The following TET3 variants were observed in gnomAD, a reference collection of about 807,000 sequenced individuals.
TET3 encodes the protein tet methylcytosine dioxygenase 3, also known as methylcytosine dioxygenase TET3.
In TET3, 19 loss-of-function variants were observed where a neutral mutation model predicts 141.4. That is an observed-to-expected ratio of 0.13 (90% CI 0.09 to 0.20). The LOEUF (loss-of-function observed/expected upper bound fraction) is 0.20. TET3 is among the 10% of genes least tolerant of loss of function. The pLI is 1.00. For synonymous variants in TET3, 1,043 were observed against 980.9 expected, an observed-to-expected ratio of 1.06 and a Z score of -1.18; for missense variants, 1,874 against 2,356.9, an observed-to-expected ratio of 0.80 and a Z score of 4.24.
At chr2:74,084,756 T>TG (rs993360610) in intron 6 of TET3, among the ~76,000 whole-genome samples, 1 of 152,068 alleles carries the variant, frequency 6.6e-6, no homozygotes, top group African/African-American at 2.4e-5. Context: ...CCCAGCCCAG[T>TG]GAGACCCCGT....
At chr2:74,062,838 C>G (rs1422000599) in intron 4 of TET3, among the ~76,000 whole-genome samples, 1 of 150,750 alleles carries the variant, frequency 6.6e-6, no homozygotes. Flanking sequence ...AAAAGAGAAC[C>G]GTATGCTGAA....
intron 2 of TET3, chr2:74,002,875 A>G: frequency 1.8e-6 from 1 of 543,330 alleles, no homozygotes; most frequent in Non-Finnish European, 3.3e-6. Flanking sequence ...TCTCGGGGGG[A>G]TTCTCAGAGG....
At position 73,986,171 on chromosome 2, in the gene TET3, C is replaced by T; in HGVS notation, c.-233C>T. 2.7e-6 allele frequency: 1 copy of T among 372,794 alleles called. No homozygotes were observed. The allele number at this position is 372,794 out of a possible 1,614,324, so 23.1% of individuals were successfully genotyped here. A position where few individuals can be genotyped will look rare whatever the true frequency, so the allele number is the denominator to read the frequency against. ...TGCTGCTGGTGTCCTCCCCCAGATC[C>T]TGGGCCCCAGCAGGTGGGAGAGTGG... On this transcript the variant is annotated 5_prime_UTR_variant, in exon 2 of 12. Coordinates refer to ENST00000409262, the MANE Select transcript of TET3 (RefSeq NM_001287491.2).
At chr2:74,064,544 C>T (rs879069771) in intron 4 of TET3, among the ~76,000 whole-genome samples, 3 of 152,094 alleles carry the variant, frequency 2.0e-5, no homozygotes, top group African/African-American at 4.8e-5. Flanking sequence ...GGACTACAGG[C>T]GTGCGTGCCA....
chr2:74,112,917 C>A (rs1296339633), downstream of TET3, among the ~76,000 whole-genome samples: 3 of 137,584 alleles, frequency 2.2e-5, no homozygotes, highest in African/African-American at 8.1e-5. Flanking sequence ...AGGAGAACTG[C>A]TTGATATGGG....
chr2:74,125,667 T>A, the TET3 span, among the ~76,000 whole-genome samples: 1 of 151,964 alleles, frequency 6.6e-6, no homozygotes, highest in African/African-American at 2.4e-5. Flanking sequence ...TCATATATAG[T>A]ACCTGCCATA....
intron 4 of TET3, among the ~76,000 whole-genome samples, chr2:74,061,284 G>T (rs1382116516): frequency 1.4e-5 from 2 of 145,024 alleles, no homozygotes; most frequent in African/African-American, 5.1e-5. Context: ...GGCTGGCCAG[G>T]CAGAGGGGCT....
intron 1 of TET3, 81 bp downstream of exon 1, chr2:73,985,238 G>A (rs1444162973): frequency 2.7e-5 from 4 of 145,544 alleles, no homozygotes; most frequent in African/African-American, 9.9e-5. Context: ...CGGGGGAGGG[G>A]GAGGGGACGG....
In TET3 at chr2:74,080,549, G is replaced by A. The variant is rs780437854; in HGVS notation, c.2637G>A (p.Gly879=). 4 of 1,613,658 alleles carry A rather than the reference G, an allele frequency of 2.5e-6. No homozygotes were observed. The Admixed American group carries it at 6.7e-5, about 27-fold the overall frequency. Residue 879 remains glycine (G), a synonymous_variant, in exon 6 of 12, where the codon GGG becomes GGA. Transcript: ENST00000409262. ...AIRIEKVIYT[G]KEGKSSRGCP... is the part of the protein sequence containing the mutation. ...GGATCGAGAAGGTCATCTACACGGGGAAGGAGGGAAAGAGCTCCCGCGGTT... is the reference window on the plus strand; with the variant it reads ...GGATCGAGAAGGTCATCTACACGGGAAAGGAGGGAAAGAGCTCCCGCGGTT...
At chr2:74,008,957 C>T (rs563170532) in intron 3 of TET3, among the ~76,000 whole-genome samples, 1 of 152,350 alleles carries the variant, frequency 6.6e-6, no homozygotes, top group South Asian at 2.1e-4. Context: ...ATCCTAACCT[C>T]ATGGGCTTTG....
chr2:74,022,094 C>CCTTTTTTTTTTTTTTTTTTTTTTTTTTTT (rs57671706), intron 3 of TET3, among the ~76,000 whole-genome samples: 3 of 82,766 alleles, frequency 3.6e-5, no homozygotes, highest in Non-Finnish European at 4.5e-5. Flanking sequence ...TTCTAGGACA[C>CCTTTTTTTTTTTTTTTTTTTTTTTTTTTT]TTTTTTTTTT....
chr2:74,122,253 G>A, the TET3 span: 5 of 151,920 alleles, frequency 3.3e-5, no homozygotes, highest in African/African-American at 9.7e-5. Flanking sequence ...GAAATTTGAA[G>A]TCTAGCTGCC....
chr2:74,108,089 A>T lies in TET3; in HGVS notation c.*5913A>T, dbSNP rs1452040038. On this transcript the variant is annotated 3_prime_UTR_variant, in exon 12 of 12. Transcript: ENST00000409262. Reference sequence around the variant, plus strand: ...GTATTTTATTATAATTTACACAAACAACTGGGTTTGTGAACTGTATTACTC... The same window carrying T: ...GTATTTTATTATAATTTACACAAACTACTGGGTTTGTGAACTGTATTACTC... 6.5e-6 allele frequency: 1 copy of T among 153,812 alleles called. No homozygotes were observed. Among genetic ancestry groups the T allele is most frequent in the East Asian group, 1.9e-4 (1 of 5,206 alleles). The allele number at this position is 153,812 out of a possible 1,614,324, so 9.5% of individuals were successfully genotyped here. A position where few individuals can be genotyped will look rare whatever the true frequency, so the allele number is the denominator to read the frequency against.
chr2:74,046,633 C>A lies in TET3; in HGVS notation c.716C>A (p.Pro239His). 1 of 1,614,084 alleles carries A rather than the reference C, an allele frequency of 6.2e-7. No individual in the cohort carries two copies. Among genetic ancestry groups the A allele is most frequent in the Non-Finnish European group, 8.5e-7 (1 of 1,179,902 alleles). Reference protein sequence around the residue: ...SREAGNNSRGPRPGPEGCSAG... With the variant: ...SREAGNNSRGHRPGPEGCSAG... The stretch of plus-strand genomic sequence containing the variant: ...GAGGCTGGGAACAACAGCAGGGGAC[C>A]CCGGCCAGGGCCTGAGGGCTGCTCT... The change falls in exon 4 of 12, where the codon CCC becomes CAC. Residue 239 changes from proline to histidine, a missense_variant. Coordinates refer to ENST00000409262, the MANE Select transcript of TET3 (RefSeq NM_001287491.2). The surrounding 1 kb of genome is among the most constrained non-coding windows in gnomAD (Gnocchi z 4.3).
chr2:73,998,248 T>C (rs1483843929), intron 2 of TET3: 1 of 152,314 alleles, frequency 6.6e-6, no homozygotes. Flanking sequence ...TCCGTTGTTA[T>C]TTGCTTAGGT....
Position 74,105,018 on chromosome 2 carries a change from AAAGT to A in TET3, c.*2845_*2848del, listed in dbSNP as rs917050297. 1.9e-4 allele frequency: 77 copies of A among 397,494 alleles called. No homozygotes were observed. The highest frequency in any genetic ancestry group is 8.8e-5 in the Admixed American group (2 of 22,706). 24.6% of individuals were successfully genotyped at this position (397,494 alleles called of 1,614,324 possible). On this transcript the variant is annotated 3_prime_UTR_variant, in exon 12 of 12. Coordinates refer to ENST00000409262, the MANE Select transcript of TET3 (RefSeq NM_001287491.2). ...TAGCATGCTTTAGACATATATTTAAAAAGTAACTATGCACAGCTCTTTATCCCCC... is the reference window on the plus strand; with the variant it reads ...TAGCATGCTTTAGACATATATTTAAAAACTATGCACAGCTCTTTATCCCCC...
intron 4 of TET3, among the ~76,000 whole-genome samples, chr2:74,052,008 C>T (rs1005135372): frequency 4.6e-4 from 70 of 152,346 alleles, no homozygotes; most frequent in African/African-American, 1.7e-3. Flanking sequence ...CCACATGCTT[C>T]TCGCTCTGTT....
At position 74,066,807 on chromosome 2, in the gene TET3, C is replaced by T. The variant is rs544485874; in HGVS notation, c.2495-6742C>T. Among the ~76,000 whole-genome samples, 6 of 152,258 alleles carry T rather than the reference C, an allele frequency of 3.9e-5. No homozygotes were observed. The East Asian group carries it at 1.2e-3, about 29-fold the overall frequency. ...GTTGCTAAGATTTAGTTTGTGCCTT[C>T]TCCTTGAAAATTTCCTTTCTCTGTC... On this transcript the variant is annotated intron_variant, in intron 4 of 11. Transcript: ENST00000409262.
At chr2:74,038,945 C>T (rs550711421) in intron 3 of TET3, among the ~76,000 whole-genome samples, 8 of 152,340 alleles carry the variant, frequency 5.3e-5, no homozygotes, top group Admixed American at 4.6e-4. Flanking sequence ...AATTTAATCA[C>T]TTAACCTCCA....
Sources: allele counts gnomAD v4.1 joint callset (sites outside exome capture counted in the v4.1 genomes callset), GRCh38; gene constraint gnomAD v4.1.1; non-coding constraint Gnocchi (gnomAD v3.1); transcripts MANE v1.5; gene names NCBI Gene and HGNC (gene_info 2026-07-23, HGNC 2026-07-21).